Variants in PLCB1 observed in about 807,000 individuals in gnomAD.
The protein encoded by PLCB1 is phospholipase C beta 1.
In PLCB1, 46 loss-of-function variants were observed where a neutral mutation model predicts 161.8. The ratio of observed to expected loss-of-function variants is 0.28; its 90% CI spans 0.22 to 0.36. The LOEUF (loss-of-function observed/expected upper bound fraction) is 0.36, where lower values mean the gene tolerates loss of function less well. Among genes scored for constraint, PLCB1 ranks in the 10% least tolerant of loss-of-function variants. The pLI, the probability that PLCB1 is intolerant of heterozygous loss-of-function variation, is 1.00. For synonymous variants in PLCB1, 517 were observed against 503.7 expected (o/e 1.03, Z -0.35); for missense variants, 1,016 against 1,472.5 (o/e 0.69, Z 5.07).
At chr20:8,346,759 A>G (rs1204046785) in intron 2 of PLCB1, among the ~76,000 whole-genome samples, 3 of 151,802 alleles carry the variant, frequency 2.0e-5, no homozygotes, top group Non-Finnish European at 4.4e-5. Flanking sequence ...ATTGCATTCA[A>G]CAGTTGCTTT....
intron 2 of PLCB1, among the ~76,000 whole-genome samples, chr20:8,245,894 T>A (rs1980853828): frequency 6.6e-6 from 1 of 151,902 alleles, no homozygotes; most frequent in Admixed American, 6.6e-5. Context: ...TCTTTCCAAA[T>A]GAGGGAATTA....
At chr20:8,679,944 A>G (rs1247753008) in intron 9 of PLCB1, among the ~76,000 whole-genome samples, 2 of 152,192 alleles carry the variant, frequency 1.3e-5, no homozygotes, top group African/African-American at 4.8e-5. Context: ...AATTCCTAAT[A>G]TATTAGCCTG....
chr20:8,157,527 GT>G (rs2051574499), intron 2 of PLCB1, among the ~76,000 whole-genome samples: 2 of 152,184 alleles, frequency 1.3e-5, no homozygotes. Flanking sequence ...TCCAGGTTAA[GT>G]TTTTCCATTT....
At chr20:8,450,806 A>G (rs1320349756) in intron 3 of PLCB1, among the ~76,000 whole-genome samples, 1 of 152,182 alleles carries the variant, frequency 6.6e-6, no homozygotes, top group East Asian at 1.9e-4. Flanking sequence ...ACTGGTTCCT[A>G]GAAGCTAATG....
In PLCB1 at chr20:8,371,420, C is replaced by G. The variant is rs1474222338; in HGVS notation, c.216C>G (p.Ala72=). 6.2e-7 allele frequency: 1 copy of G among 1,613,656 alleles called. No individual in the cohort carries two copies. The highest frequency in any genetic ancestry group is 8.5e-7 in the Non-Finnish European group (1 of 1,179,720). The part of the protein sequence containing the change: ...ELLDLSLVKD[A]RCGRHAKAPK... ...TGGATCTCAGCCTTGTCAAAGATGC[C>G]AGATGTGGGAGACACGCCAAAGCTC... Residue 72 remains alanine (A), a synonymous_variant, in exon 3 of 32, where the codon GCC becomes GCG. Coordinates refer to ENST00000338037, the MANE Select transcript of PLCB1 (RefSeq NM_015192.4).
intron 2 of PLCB1, among the ~76,000 whole-genome samples, chr20:8,289,787 G>A (rs1024036720): frequency 6.6e-6 from 1 of 152,182 alleles, no homozygotes; most frequent in Non-Finnish European, 1.5e-5. Context: ...ATGGGAGACT[G>A]TTCCACTGTC....
intron 31 of PLCB1, among the ~76,000 whole-genome samples, chr20:8,874,065 A>G (rs1365003925): frequency 6.6e-6 from 1 of 152,036 alleles, no homozygotes; most frequent in African/African-American, 2.4e-5. Flanking sequence ...TAAATTTCAA[A>G]TGTTCTCACC....
intron 2 of PLCB1, among the ~76,000 whole-genome samples, chr20:8,239,239 T>C (rs1375780830): frequency 6.6e-6 from 1 of 151,952 alleles, no homozygotes; most frequent in Non-Finnish European, 1.5e-5. Context: ...GAGTATTGAA[T>C]GCAACTTAAA....
intron 8 of PLCB1, among the ~76,000 whole-genome samples, chr20:8,657,806 C>T (rs1365698988): frequency 3.9e-5 from 6 of 151,984 alleles, no homozygotes; most frequent in Non-Finnish European, 4.4e-5. Flanking sequence ...AGCACTAAGG[C>T]AAATGTGGGG....
At chr20:8,171,825 C>G (rs959554040) in intron 2 of PLCB1, among the ~76,000 whole-genome samples, 1 of 152,144 alleles carries the variant, frequency 6.6e-6, no homozygotes, top group African/African-American at 2.4e-5. Context: ...CATCTGAGAG[C>G]AGGTTACTTT....
chr20:8,702,435 T>C (rs914880180), intron 11 of PLCB1, among the ~76,000 whole-genome samples: 6 of 152,192 alleles, frequency 3.9e-5, no homozygotes, highest in Non-Finnish European at 5.9e-5. Flanking sequence ...TGTAATAAAA[T>C]ATATGAGGAA....
chr20:8,217,031 A>G (rs1979172114), intron 2 of PLCB1, among the ~76,000 whole-genome samples: 2 of 152,080 alleles, frequency 1.3e-5, no homozygotes, highest in South Asian at 2.1e-4. Context: ...CCTTCTCTAT[A>G]TGATTTCAGT....
At chr20:8,738,125 T>C (rs2123512845) in intron 20 of PLCB1, among the ~76,000 whole-genome samples, 1 of 152,368 alleles carries the variant, frequency 6.6e-6, no homozygotes, top group South Asian at 2.1e-4. Context: ...TTGCTTACTG[T>C]GGGAATTTAC....
intron 2 of PLCB1, among the ~76,000 whole-genome samples, chr20:8,262,060 T>A (rs1320535865): frequency 6.6e-6 from 1 of 151,912 alleles, no homozygotes; most frequent in Non-Finnish European, 1.5e-5. Flanking sequence ...TGCGTTTTTG[T>A]TTGTTTGTTT....
intron 3 of PLCB1, among the ~76,000 whole-genome samples, chr20:8,562,656 TGC>T (rs1986179854): frequency 6.6e-6 from 1 of 152,056 alleles, no homozygotes; most frequent in Non-Finnish European, 1.5e-5. Context: ...GACTTAAAAT[TGC>T]ATTCTAAAAA....
chr20:8,437,487 G>T (rs1401890987), intron 3 of PLCB1, among the ~76,000 whole-genome samples: 1 of 152,102 alleles, frequency 6.6e-6, no homozygotes, highest in Non-Finnish European at 1.5e-5. Flanking sequence ...TTTTAGAAAT[G>T]GTTTTATTAA....
intron 27 of PLCB1, among the ~76,000 whole-genome samples, chr20:8,775,305 G>A (rs1307981304): frequency 2.0e-5 from 3 of 151,974 alleles, no homozygotes; most frequent in Admixed American, 6.6e-5. Flanking sequence ...CTCCATTTTT[G>A]TTGATTCCTT....
chr20:8,824,013 C>T (rs190042274), intron 31 of PLCB1, among the ~76,000 whole-genome samples: 3 of 152,122 alleles, frequency 2.0e-5, no homozygotes, highest in East Asian at 3.9e-4. Context: ...CTCTCTATCC[C>T]GCCTTGGGGA....
rs573212485 is a variant in PLCB1, at chr20:8,300,237, G to A, written c.178-71145G>A. 3.9e-5 allele frequency among the ~76,000 whole-genome samples: 6 copies of A among 152,292 alleles called. No homozygotes were observed. The East Asian group carries it at 1.2e-3, about 29-fold the overall frequency. On this transcript the variant is annotated intron_variant, in intron 2 of 31. Coordinates refer to ENST00000338037, the MANE Select transcript of PLCB1 (RefSeq NM_015192.4). ...GCACAAGTAGAGATATCAAGTACGAGTATTTGTTCAATGCTCTGGTGTGTT... is the reference window on the plus strand; with the variant it reads ...GCACAAGTAGAGATATCAAGTACGAATATTTGTTCAATGCTCTGGTGTGTT...
Sources: allele counts gnomAD v4.1 joint callset (sites outside exome capture counted in the v4.1 genomes callset), GRCh38; gene constraint gnomAD v4.1.1; transcripts MANE v1.5; gene names NCBI Gene and HGNC (gene_info 2026-07-23, HGNC 2026-07-21).